The following CADM1 variants were observed in gnomAD, a reference collection of about 807,000 sequenced individuals.
CADM1 encodes TSLC-1.
A neutral mutation model predicts 53.1 loss-of-function variants in CADM1; 15 were observed. The ratio of observed to expected loss-of-function variants is 0.28; its 90% CI spans 0.19 to 0.44. The LOEUF is 0.44. Among genes scored for constraint, CADM1 ranks in the 20% least tolerant of loss-of-function variants. The probability of loss-of-function intolerance (pLI) is 1.00; values close to 1 mark genes in which losing one functional copy is unlikely to be tolerated. For missense variants in CADM1, 434 were observed against 611.3 expected, an observed-to-expected ratio of 0.71 and a Z score of 3.06; for synonymous variants, 281 against 243.0, an observed-to-expected ratio of 1.16 and a Z score of -1.45.
chr11:115,492,646 C>G (rs1949522307), intron 1 of CADM1, among the ~76,000 whole-genome samples: 1 of 152,120 alleles, frequency 6.6e-6, no homozygotes. Flanking sequence ...CTACAATGGT[C>G]TTGGTGGAGT....
chr11:115,206,656 T>A (rs1047033059), intron 8 of CADM1, among the ~76,000 whole-genome samples: 11 of 151,866 alleles, frequency 7.2e-5, no homozygotes, highest in African/African-American at 2.7e-4. Flanking sequence ...AATATTTTTC[T>A]ATTGCATGTG....
intron 1 of CADM1, among the ~76,000 whole-genome samples, chr11:115,420,105 G>A (rs1406616328): frequency 6.6e-6 from 1 of 152,084 alleles, no homozygotes; most frequent in Non-Finnish European, 1.5e-5. Flanking sequence ...AGACTCTCCA[G>A]GCAAAAGCCC....
chr11:115,284,069 A>G (rs1194561347), intron 1 of CADM1, among the ~76,000 whole-genome samples: 3 of 109,896 alleles, frequency 2.7e-5, no homozygotes, highest in African/African-American at 1.1e-4. Context: ...ACCAGGGTGA[A>G]GATCTACAAG....
At chr11:115,449,791 T>A (rs985033783) in intron 1 of CADM1, among the ~76,000 whole-genome samples, 1 of 152,202 alleles carries the variant, frequency 6.6e-6, no homozygotes, top group East Asian at 1.9e-4. Flanking sequence ...AACTTTATAG[T>A]TCCAAACATT....
At chr11:115,321,089 T>C (rs1164837243) in intron 1 of CADM1, among the ~76,000 whole-genome samples, 2 of 152,198 alleles carry the variant, frequency 1.3e-5, no homozygotes, top group African/African-American at 4.8e-5. Context: ...AATTGAGGCA[T>C]ATTATCTTAG....
At chr11:115,374,676 T>C (rs77132937) in intron 1 of CADM1, among the ~76,000 whole-genome samples, 1 of 152,132 alleles carries the variant, frequency 6.6e-6, no homozygotes, top group African/African-American at 2.4e-5. Flanking sequence ...AAAGTAAGCC[T>C]GAATCTCATA....
At chr11:115,223,832 G>A (rs962173427) in intron 5 of CADM1, among the ~76,000 whole-genome samples, 1 of 151,790 alleles carries the variant, frequency 6.6e-6, no homozygotes, top group Non-Finnish European at 1.5e-5. Context: ...AGCTTCAATC[G>A]GGGTTCTTCA....
chr11:115,358,580 C>T (rs901364265), intron 1 of CADM1, among the ~76,000 whole-genome samples: 2 of 152,142 alleles, frequency 1.3e-5, no homozygotes, highest in Admixed American at 6.6e-5. Flanking sequence ...ACGGGAGCTA[C>T]GATTCAAGAT....
chr11:115,340,461 G>A (rs1945398042), intron 1 of CADM1, among the ~76,000 whole-genome samples: 2 of 145,870 alleles, frequency 1.4e-5, no homozygotes, highest in Admixed American at 6.9e-5. Flanking sequence ...AGTTTTTAAT[G>A]ATGAAGCTTA....
chr11:115,416,648 A>G (rs962195513), intron 1 of CADM1, among the ~76,000 whole-genome samples: 1 of 151,716 alleles, frequency 6.6e-6, no homozygotes, highest in Non-Finnish European at 1.5e-5. Flanking sequence ...TTTACCATCC[A>G]AGACTGTAGC....
At chr11:115,257,902 G>A (rs1471495849) in intron 1 of CADM1, among the ~76,000 whole-genome samples, 2 of 152,194 alleles carry the variant, frequency 1.3e-5, no homozygotes, top group Non-Finnish European at 2.9e-5. Flanking sequence ...GCAGGTGCGA[G>A]GTGGGGCCCA....
At chr11:115,319,904 T>C (rs1045476363) in intron 1 of CADM1, among the ~76,000 whole-genome samples, 2 of 152,176 alleles carry the variant, frequency 1.3e-5, no homozygotes, top group African/African-American at 2.4e-5. Flanking sequence ...ACCCTAAAAT[T>C]ATCAAACATA....
intron 1 of CADM1, among the ~76,000 whole-genome samples, chr11:115,495,741 C>T (rs1020804927): frequency 6.6e-6 from 1 of 152,174 alleles, no homozygotes; most frequent in African/African-American, 2.4e-5. Flanking sequence ...TAATAAAGGC[C>T]TGGGTTTTAA....
chr11:115,453,097 C>A (rs764215544), intron 1 of CADM1, among the ~76,000 whole-genome samples: 1 of 152,126 alleles, frequency 6.6e-6, no homozygotes, highest in Non-Finnish European at 1.5e-5. Flanking sequence ...AAGCACTCGA[C>A]CAGGTGCAGT....
chr11:115,337,550 C>T (rs1945299465), intron 1 of CADM1, among the ~76,000 whole-genome samples: 1 of 152,102 alleles, frequency 6.6e-6, no homozygotes, highest in South Asian at 2.1e-4. Flanking sequence ...GGCAGGCATT[C>T]TGTTTCCTTA....
At chr11:115,475,872 A>G (rs1949119741) in intron 1 of CADM1, among the ~76,000 whole-genome samples, 1 of 152,232 alleles carries the variant, frequency 6.6e-6, no homozygotes, top group African/African-American at 2.4e-5. Context: ...TGTAAAGTAG[A>G]TATACAATTC....
rs947837421 is a variant in CADM1 at position 115,238,430 on chromosome 11, T to C, written c.424+70A>G. On this transcript the variant is annotated intron_variant, in intron 3 of 11. Coordinates refer to ENST00000331581, the MANE Select transcript of CADM1 (RefSeq NM_001301043.2). The stretch of plus-strand genomic sequence containing the variant: ...TGAACAGGAGAATTCACCATTAACC[T>C]TTTCCTTGCTGCTGTAAAAGGGCCA... 3.3e-6 allele frequency: 5 copies of C among 1,509,620 alleles called. No homozygotes were observed. In the East Asian group the frequency reaches 1.1e-4, roughly 34 times the overall value. The allele number at this position is 1,509,620 out of a possible 1,614,324, so 93.5% of individuals were successfully genotyped here.
chr11:115,376,497 T>G (rs1415151706), intron 1 of CADM1, among the ~76,000 whole-genome samples: 1 of 152,092 alleles, frequency 6.6e-6, no homozygotes, highest in East Asian at 1.9e-4. Context: ...TATGGCATAG[T>G]GCAAACAGAG....
intron 1 of CADM1, among the ~76,000 whole-genome samples, chr11:115,315,805 G>A (rs1334312495): frequency 6.6e-6 from 1 of 152,126 alleles, no homozygotes. Context: ...ACTACCTGGA[G>A]CAACACGAAT....
Sources: gnomAD v4.1 joint callset for allele counts (sites outside exome capture counted in the v4.1 genomes callset) on GRCh38, gnomAD v4.1.1 for gene constraint, MANE v1.5 for transcripts, NCBI Gene and HGNC (gene_info 2026-07-23, HGNC 2026-07-21) for gene names.